The following RPS20 variants were observed in gnomAD, a reference collection of about 807,000 sequenced individuals.
RPS20 encodes the protein ribosomal protein S20, also known as small ribosomal subunit protein uS10.
RPS20 carries 3 observed loss-of-function variants against 15.3 expected under a neutral mutation model. The ratio of observed to expected loss-of-function variants is 0.20; its 90% CI spans 0.09 to 0.51. The LOEUF (loss-of-function observed/expected upper bound fraction) is 0.51. RPS20 is among the 20% of genes least tolerant of loss of function. The probability of loss-of-function intolerance (pLI) is 0.96; values close to 1 mark genes in which losing one functional copy is unlikely to be tolerated. For synonymous variants in RPS20, 62 were observed against 47.8 expected (o/e 1.30, Z -1.23); for missense variants, 67 against 145.9 (o/e 0.46, Z 2.79).
chr8:56,073,638 G>A (rs759177331), intron 3 of RPS20, 57 bp downstream of exon 3: 3 of 1,452,796 alleles, frequency 2.1e-6, no homozygotes, highest in Non-Finnish European at 2.9e-6. Flanking sequence ...TAAAGAACCT[G>A]AATTTATGCA....
chr8:56,073,357 T>C, intron 3 of RPS20, 85 bp from the exon 4 acceptor site: 1 of 883,476 alleles, frequency 1.1e-6, no homozygotes, highest in Middle Eastern at 2.5e-4. Context: ...TTCTAATCAT[T>C]TCATTAGTTT....
At chr8:56,072,548 TCC>T (rs148676649), downstream of RPS20, among the ~76,000 whole-genome samples, 140 of 95,920 alleles carry the variant, frequency 1.5e-3, no homozygotes, top group Middle Eastern at 5.6e-3. Flanking sequence ...CAAAACGCCG[TCC>T]CCCCCCCCAA....
At position 56,074,469 on chromosome 8, in the gene RPS20, A is replaced by T. The variant is rs1000882533; in HGVS notation, c.-86T>A. ...TCAGGAGCAGGAGCGTGCGGACCAA[A>T]AATCCTCAGCCCTTACGACCGCGTC... On this transcript the variant is annotated 5_prime_UTR_variant, in exon 1 of 4. Transcript: ENST00000009589. 1 of 1,459,448 alleles carries T rather than the reference A, an allele frequency of 6.9e-7. No individual in the cohort carries two copies. The highest frequency in any genetic ancestry group is 9.2e-7 in the Non-Finnish European group (1 of 1,082,968). 90.4% of individuals were successfully genotyped at this position (1,459,448 alleles called of 1,614,324 possible).
chr8:56,068,807 C>CTTTTTTTTTTTTTTTTTTTTTTTTTTT (rs61576194), downstream of RPS20, among the ~76,000 whole-genome samples: 1 of 27,692 alleles, frequency 3.6e-5, no homozygotes, highest in Non-Finnish European at 7.1e-5. Flanking sequence ...GTGAAAATAT[C>CTTTTTTTTTTTTTTTTTTTTTTTTTTT]TTTTTTTTTT....
chr8:56,073,454 A>C (rs1302128193), intron 3 of RPS20, 182 bp from the exon 4 acceptor site: 5 of 637,002 alleles, frequency 7.8e-6, no homozygotes, highest in Non-Finnish European at 8.3e-6. Context: ...GTGCTAGGAC[A>C]CCACCCTTAG....
chr8:56,073,571 T>C (rs1489889948), intron 3 of RPS20, 124 bp downstream of exon 3: 7 of 798,822 alleles, frequency 8.8e-6, no homozygotes, highest in Non-Finnish European at 1.5e-5. Flanking sequence ...CTACCACCGA[T>C]TTCTATGTGC....
At chr8:56,068,282 T>C (rs1319599994), downstream of RPS20, 1 of 152,020 alleles carries the variant, frequency 6.6e-6, no homozygotes, top group Non-Finnish European at 1.5e-5. Flanking sequence ...TATCACAGAA[T>C]GTATAATTTA....
In RPS20 at chr8:56,073,105, G is replaced by A. The variant is rs1222847943; in HGVS notation, c.345C>T (p.Thr115=). The A allele has an allele frequency of 1.3e-6, 2 of 1,595,940 alleles. No individual in the cohort carries two copies. Among genetic ancestry groups the A allele is most frequent in the African/African-American group, 2.7e-5 (2 of 74,778 alleles). The change falls in exon 4 of 4, where the codon ACC becomes ACT. Residue 115 remains threonine, a synonymous_variant. Coordinates refer to ENST00000009589, the MANE Select transcript of RPS20 (RefSeq NM_001023.4). ...AATAGTTGACTTAAGCATCTGCAAT[G>A]GTGACTTCCACCTCAACTCCTGGCT... is the stretch of plus-strand genomic sequence containing the variant. ...SIEPGVEVEV[T]IADA
At chr8:56,073,911 C>G (rs1262042541) in intron 2 of RPS20, 143 bp from the exon 3 acceptor site, 1 of 1,082,456 alleles carries the variant, frequency 9.2e-7, no homozygotes, top group Non-Finnish European at 1.4e-6. Flanking sequence ...AGCTGTATGA[C>G]AGTAAAAGCA....
downstream of RPS20, among the ~76,000 whole-genome samples, chr8:56,069,314 T>C (rs1435912654): frequency 6.6e-6 from 1 of 152,042 alleles, no homozygotes; most frequent in Non-Finnish European, 1.5e-5. Flanking sequence ...CTCGATCCAC[T>C]GCACTTGGCA....
chr8:56,069,519 G>C (rs949543430), downstream of RPS20, among the ~76,000 whole-genome samples: 2 of 152,150 alleles, frequency 1.3e-5, no homozygotes, highest in East Asian at 1.9e-4. Flanking sequence ...GGCTGGTCTT[G>C]AACTCCTGAC....
At chr8:56,071,445 T>A (rs1051103749), downstream of RPS20, among the ~76,000 whole-genome samples, 3 of 152,236 alleles carry the variant, frequency 2.0e-5, no homozygotes, top group African/African-American at 7.2e-5. Context: ...TTTAGCAATG[T>A]GGCATAATTC....
downstream of RPS20, among the ~76,000 whole-genome samples, chr8:56,071,954 A>T (rs894333575): frequency 6.6e-6 from 1 of 152,212 alleles, no homozygotes; most frequent in African/African-American, 2.4e-5. Context: ...CTGATTTTAA[A>T]TTCTAGGCTG....
chr8:56,072,836 G>C (rs1280015871), downstream of RPS20: 3 of 1,173,244 alleles, frequency 2.6e-6, no homozygotes, highest in African/African-American at 1.5e-5. Context: ...TTTATCTAGA[G>C]TATGCCAAAG....
At chr8:56,070,249 A>G (rs1204281976), downstream of RPS20, among the ~76,000 whole-genome samples, 4 of 152,170 alleles carry the variant, frequency 2.6e-5, no homozygotes, top group Admixed American at 1.3e-4. Context: ...TTTGAGATAG[A>G]TACTATTAGT....
In RPS20 at chr8:56,074,457, C is replaced by T. The variant is rs1232828252; in HGVS notation, c.-74G>A. ...AACAGCGGTGAGTCAGGAGCAGGAG[C>T]GTGCGGACCAAAAATCCTCAGCCCT... On this transcript the variant is annotated 5_prime_UTR_variant, in exon 1 of 4. Coordinates refer to ENST00000009589, the MANE Select transcript of RPS20 (RefSeq NM_001023.4). 4 of 1,509,378 alleles carry T rather than the reference C, an allele frequency of 2.7e-6. No homozygotes were observed. Among genetic ancestry groups the T allele is most frequent in the South Asian group, 1.2e-5 (1 of 83,084 alleles). The allele number at this position is 1,509,378 out of a possible 1,614,324, so 93.5% of individuals were successfully genotyped here.
In RPS20 at chr8:56,074,502, A is replaced by C; in HGVS notation, c.-119T>G. 1.8e-6 allele frequency: 2 copies of C among 1,119,468 alleles called. No individual in the cohort carries two copies. Among genetic ancestry groups the C allele is most frequent in the Non-Finnish European group, 2.5e-6 (2 of 786,490 alleles). 69.3% of individuals were successfully genotyped at this position (1,119,468 alleles called of 1,614,324 possible). A position where few individuals can be genotyped will look rare whatever the true frequency, so the allele number is the denominator to read the frequency against. ...AGCCCTTACGACCGCGTCTTCCTCAAAAAGAAAGGGGTGGGACTTGAGCAA... is the reference window on the plus strand; with the variant it reads ...AGCCCTTACGACCGCGTCTTCCTCACAAAGAAAGGGGTGGGACTTGAGCAA... On this transcript the variant is annotated 5_prime_UTR_variant, in exon 1 of 4. Coordinates refer to ENST00000009589, the MANE Select transcript of RPS20 (RefSeq NM_001023.4).
At chr8:56,072,841 C>A (rs1554524490), downstream of RPS20, 8 of 1,184,030 alleles carry the variant, frequency 6.8e-6, no homozygotes, top group East Asian at 8.3e-5. Flanking sequence ...CTAGAGTATG[C>A]CAAAGTTATA....
downstream of RPS20, chr8:56,072,835 A>G: frequency 8.5e-7 from 1 of 1,172,652 alleles, no homozygotes; most frequent in Non-Finnish European, 1.1e-6. Context: ...ATTTATCTAG[A>G]GTATGCCAAA....
Sources: allele counts gnomAD v4.1 joint callset (sites outside exome capture counted in the v4.1 genomes callset), GRCh38; gene constraint gnomAD v4.1.1; transcripts MANE v1.5; gene names NCBI Gene and HGNC (gene_info 2026-07-23, HGNC 2026-07-21).